The following NEK11 variants were observed in gnomAD, a reference collection of about 807,000 sequenced individuals.
NEK11 encodes serine/threonine-protein kinase Nek11.
A neutral mutation model predicts 80.7 loss-of-function variants in NEK11; 72 were observed. The ratio of observed to expected loss-of-function variants is 0.89; its 90% CI spans 0.74 to 1.08. The LOEUF (loss-of-function observed/expected upper bound fraction) is 1.08, where lower values mean the gene tolerates loss of function less well. NEK11 is among the 50% of genes least tolerant of loss of function. NEK11 has a pLI of 0.00. For missense variants in NEK11, 764 were observed against 763.6 expected (o/e 1.00, Z -0.01); for synonymous variants, 251 against 260.7 (o/e 0.96, Z 0.36).
At chr3:131,055,154 C>G (rs1187347563) in intron 3 of NEK11, among the ~76,000 whole-genome samples, 1 of 152,066 alleles carries the variant, frequency 6.6e-6, no homozygotes, top group African/African-American at 2.4e-5. Context: ...TCAGGTCCTG[C>G]AGTAAAAAAT....
intron 17 of NEK11, among the ~76,000 whole-genome samples, chr3:131,320,949 T>C (rs2096891284): frequency 6.6e-6 from 1 of 152,138 alleles, no homozygotes; most frequent in Non-Finnish European, 1.5e-5. Flanking sequence ...GATTCAATGC[T>C]ATTGCTATCA....
chr3:131,080,430 C>T lies in NEK11; in HGVS notation c.178C>T (p.Leu60Phe). The T allele has an allele frequency of 6.3e-7, 1 of 1,594,690 alleles. No homozygotes were observed. Among genetic ancestry groups the T allele is most frequent in the Non-Finnish European group, 8.5e-7 (1 of 1,175,056 alleles). ...KAKRGEELKVLKEISVGELNP... is the reference protein window; with the variant it reads ...KAKRGEELKVFKEISVGELNP... ...AATTTTTTTTGATCTCAGAAAGGTA[C>T]TTAAGGAAATATCTGTTGGAGAACT... Residue 60 changes from leucine (L) to phenylalanine (F), a missense_variant, in exon 4 of 18, where the codon CTT (leucine) becomes TTT (phenylalanine). Leu to Phe is a conservative substitution (Grantham distance 22, BLOSUM62 0). Transcript: ENST00000383366.
At chr3:131,217,847 A>G (rs16836134) in intron 14 of NEK11, among the ~76,000 whole-genome samples, 14,686 of 152,266 alleles carry the variant, frequency 0.096, 1,190 homozygotes, top group African/African-American at 0.21. Context: ...TACTAAATTA[A>G]TAAGTGCCAT....
chr3:131,033,115 A>T (rs1033928263), intron 3 of NEK11, among the ~76,000 whole-genome samples: 2 of 152,002 alleles, frequency 1.3e-5, no homozygotes, highest in African/African-American at 4.8e-5. Flanking sequence ...CAGAATGTGA[A>T]CCTTTTAGCT....
intron 17 of NEK11, among the ~76,000 whole-genome samples, chr3:131,278,225 C>T (rs1240310782): frequency 1.3e-5 from 2 of 152,228 alleles, no homozygotes; most frequent in East Asian, 1.9e-4. Flanking sequence ...AGGGAGACTA[C>T]TCCATAAATG....
chr3:131,244,755 C>G (rs1330346131), intron 16 of NEK11, among the ~76,000 whole-genome samples: 2 of 151,972 alleles, frequency 1.3e-5, no homozygotes, highest in Non-Finnish European at 2.9e-5. Flanking sequence ...GACCCCGTCT[C>G]TAACCAAATT....
At chr3:131,297,918 G>T (rs1231205068) in intron 17 of NEK11, among the ~76,000 whole-genome samples, 1 of 151,972 alleles carries the variant, frequency 6.6e-6, no homozygotes, top group Non-Finnish European at 1.5e-5. Context: ...TATTAAATAG[G>T]GAATCCTTTC....
At chr3:131,288,453 T>TCTTTCTTTC (rs1553993064) in intron 17 of NEK11, among the ~76,000 whole-genome samples, 20 of 27,290 alleles carry the variant, frequency 7.3e-4, no homozygotes, top group Non-Finnish European at 1.5e-3. Context: ...TTTCTTTCTT[T>TCTTTCTTTC]TTTTTTTTTT....
At chr3:131,106,320 G>A (rs2079178086) in intron 4 of NEK11, among the ~76,000 whole-genome samples, 2 of 144,074 alleles carry the variant, frequency 1.4e-5, no homozygotes, top group Non-Finnish European at 3.0e-5. Flanking sequence ...TCGTAAGAAT[G>A]TTAAAAGTTT....
At position 131,037,288 on chromosome 3, in the gene NEK11, A is replaced by ATT. The variant is rs11391510; in HGVS notation, c.170+7423_170+7424dup. 2.7e-3 allele frequency among the ~76,000 whole-genome samples: 389 copies of ATT among 146,108 alleles called. 3 individuals carry two copies. Among genetic ancestry groups the ATT allele is most frequent in the Admixed American group, 0.011 (165 of 14,666 alleles). On this transcript the variant is annotated intron_variant, in intron 3 of 17. Coordinates refer to ENST00000383366, the MANE Select transcript of NEK11 (RefSeq NM_024800.5). ...TAATTAGATAAAAAGAACTTCATCCATTTTTTTTTTTTTTGAGACGGAGTC... is the reference window on the plus strand; with the variant it reads ...TAATTAGATAAAAAGAACTTCATCCATTTTTTTTTTTTTTTTGAGACGGAGTC...
At chr3:131,335,326 A>G (rs913434871) in intron 17 of NEK11, among the ~76,000 whole-genome samples, 49 of 152,240 alleles carry the variant, frequency 3.2e-4, no homozygotes, top group African/African-American at 1.1e-3. Flanking sequence ...ATGCAAATCA[A>G]TAAATGTAAT....
chr3:131,088,718 G>GA (rs1044799828), intron 4 of NEK11, among the ~76,000 whole-genome samples: 56 of 151,816 alleles, frequency 3.7e-4, no homozygotes, highest in Non-Finnish European at 6.2e-4. Flanking sequence ...AAAAGAATTT[G>GA]AAAAAAATAC....
At position 131,316,811 on chromosome 3, in the gene NEK11, G is replaced by GTACTT. The variant is rs1191644760; in HGVS notation, c.1719-32746_1719-32745insTACTT. On this transcript the variant is annotated intron_variant, in intron 17 of 17. Transcript: ENST00000383366. Reference sequence around the variant, plus strand: ...TCAGCTTGCGAGTTTTTTGAAGTTAGCATTTGTACTTTCCTTGATTTGCAA... The same window carrying GTACTT: ...TCAGCTTGCGAGTTTTTTGAAGTTAGTACTTCATTTGTACTTTCCTTGATTTGCAA... Among the ~76,000 whole-genome samples the GTACTT allele has an allele frequency of 1.6e-4, 24 of 152,260 alleles. No individual in the cohort carries two copies. In the East Asian group the frequency reaches 4.2e-3, roughly 27 times the overall value.
At chr3:131,033,817 A>G (rs1205112008) in intron 3 of NEK11, among the ~76,000 whole-genome samples, 1 of 152,198 alleles carries the variant, frequency 6.6e-6, no homozygotes, top group Admixed American at 6.5e-5. Flanking sequence ...TGCTTGATGC[A>G]TGTTTGGAGA....
chr3:131,269,902 A>C (rs1232652007), intron 16 of NEK11, among the ~76,000 whole-genome samples: 1 of 152,196 alleles, frequency 6.6e-6, no homozygotes, highest in Non-Finnish European at 1.5e-5. Context: ...GTGAAAGCTG[A>C]TAACACAGTG....
chr3:131,243,337 A>G, intron 15 of NEK11, 99 bp from the exon 16 acceptor site: 2 of 1,078,892 alleles, frequency 1.9e-6, no homozygotes, highest in East Asian at 5.0e-5. Flanking sequence ...TTGGAACCAG[A>G]TTTTTTTTTC....
intron 4 of NEK11, among the ~76,000 whole-genome samples, chr3:131,103,375 T>C (rs1228609116): frequency 6.6e-6 from 1 of 152,260 alleles, no homozygotes; most frequent in African/African-American, 2.4e-5. Flanking sequence ...CAATGCTCTA[T>C]GCAGCTTCTT....
intron 4 of NEK11, among the ~76,000 whole-genome samples, chr3:131,100,451 T>G (rs970492940): frequency 6.6e-6 from 1 of 152,036 alleles, no homozygotes; most frequent in African/African-American, 2.4e-5. Context: ...AAAAATTAGC[T>G]GGTGGCTACT....
rs189111157 is a variant in NEK11 at position 131,349,170 on chromosome 3, C to T, written c.1719-387C>T. On this transcript the variant is annotated intron_variant, in intron 17 of 17. Transcript: ENST00000383366. ...ACTTCCTCAGAAGGATTTTCCTGTC[C>T]GCCTCACCCTGCTTTTTCTTCATTG... Among the ~76,000 whole-genome samples the T allele has an allele frequency of 4.6e-3, 700 of 152,170 alleles. 3 individuals carry two copies. Among genetic ancestry groups the T allele is most frequent in the Non-Finnish European group, 8.3e-3 (564 of 68,014 alleles).
Sources: gnomAD v4.1 joint callset for allele counts (sites outside exome capture counted in the v4.1 genomes callset) on GRCh38, gnomAD v4.1.1 for gene constraint, MANE v1.5 for transcripts, NCBI Gene and HGNC (gene_info 2026-07-23, HGNC 2026-07-21) for gene names.